CSMD3: variants seen among roughly 807,000 people sequenced by gnomAD.
CSMD3 encodes the protein CUB and Sushi multiple domains 3.
CSMD3 carries 177 observed loss-of-function variants against 435.2 expected under a neutral mutation model. The ratio of observed to expected loss-of-function variants is 0.41; its 90% CI spans 0.36 to 0.46. The LOEUF is 0.46. Among genes scored for constraint, CSMD3 ranks in the 20% least tolerant of loss-of-function variants. The probability of loss-of-function intolerance (pLI) is 0.34; values close to 1 mark genes in which losing one functional copy is unlikely to be tolerated. For synonymous variants in CSMD3, 1,656 were observed against 1,520.5 expected (o/e 1.09, Z -2.07); for missense variants, 4,265 against 4,504.6 (o/e 0.95, Z 1.52).
intron 36 of CSMD3, among the ~76,000 whole-genome samples, chr8:112,388,050 T>C (rs1186380139): frequency 1.3e-5 from 2 of 152,062 alleles, no homozygotes; most frequent in African/African-American, 4.8e-5. Flanking sequence ...CCACAGAAAA[T>C]GTATTTAAGT....
At chr8:113,198,313 T>C (rs891001510) in intron 3 of CSMD3, among the ~76,000 whole-genome samples, 1 of 151,408 alleles carries the variant, frequency 6.6e-6, no homozygotes, top group Non-Finnish European at 1.5e-5. Flanking sequence ...TCCTGTTAAA[T>C]TTAGTATGTG....
intron 16 of CSMD3, among the ~76,000 whole-genome samples, chr8:112,667,381 T>C (rs1420366234): frequency 6.6e-6 from 1 of 152,156 alleles, no homozygotes; most frequent in African/African-American, 2.4e-5. Flanking sequence ...TTTACTCCCA[T>C]ATCCAACCCA....
At chr8:112,618,972 T>A (rs1021779818) in intron 22 of CSMD3, among the ~76,000 whole-genome samples, 1 of 152,094 alleles carries the variant, frequency 6.6e-6, no homozygotes, top group Admixed American at 6.6e-5. Context: ...CACTTATAAA[T>A]TGCATGACAT....
At chr8:112,913,968 C>G (rs2082503649) in intron 10 of CSMD3, among the ~76,000 whole-genome samples, 1 of 151,798 alleles carries the variant, frequency 6.6e-6, no homozygotes, top group African/African-American at 2.4e-5. Flanking sequence ...TGCTGTTTTT[C>G]CCACTGGAGT....
intron 10 of CSMD3, among the ~76,000 whole-genome samples, chr8:112,915,008 C>T (rs2082533862): frequency 6.6e-6 from 1 of 151,844 alleles, no homozygotes; most frequent in Admixed American, 6.6e-5. Flanking sequence ...ATGCTTTTTG[C>T]TAGTAGCACA....
Position 112,699,362 on chromosome 8 carries a change from G to T in CSMD3, c.1973-9312C>A, listed in dbSNP as rs549199019. On this transcript the variant is annotated intron_variant, in intron 13 of 70. Coordinates refer to ENST00000297405, the MANE Select transcript of CSMD3 (RefSeq NM_198123.2). ...ATCTTTAAGATCTGTAACATTCACC[G>T]CTAGGGTCCACGGCTTCATGCTTGA... Among the ~76,000 whole-genome samples, 6 of 152,074 alleles carry T rather than the reference G, an allele frequency of 3.9e-5. No individual in the cohort carries two copies. In the South Asian group the frequency reaches 1.2e-3, roughly 32 times the overall value.
At chr8:112,466,760 TTAA>T (rs1384619452) in intron 32 of CSMD3, among the ~76,000 whole-genome samples, 1 of 152,198 alleles carries the variant, frequency 6.6e-6, no homozygotes, top group Admixed American at 6.5e-5. Context: ...CAAATCACAC[TTAA>T]TAACCACTAT....
At chr8:112,731,795 C>T (rs1387706398) in intron 13 of CSMD3, among the ~76,000 whole-genome samples, 1 of 151,926 alleles carries the variant, frequency 6.6e-6, no homozygotes, top group South Asian at 2.1e-4. Flanking sequence ...TCACTGAATT[C>T]AATTATCAGG....
chr8:112,641,027 T>C (rs1184959983), intron 20 of CSMD3, among the ~76,000 whole-genome samples: 2 of 152,198 alleles, frequency 1.3e-5, no homozygotes, highest in Non-Finnish European at 2.9e-5. Flanking sequence ...TTTACCTTTC[T>C]GAGCCCTACT....
At chr8:112,516,794 G>C (rs763762103) in intron 28 of CSMD3, among the ~76,000 whole-genome samples, 11 of 152,008 alleles carry the variant, frequency 7.2e-5, no homozygotes, top group Non-Finnish European at 1.6e-4. Flanking sequence ...CAAGAGCTTT[G>C]ATTCATAACT....
chr8:112,765,050 AC>A (rs1487030733), intron 13 of CSMD3, among the ~76,000 whole-genome samples: 1 of 151,674 alleles, frequency 6.6e-6, no homozygotes, highest in Non-Finnish European at 1.5e-5. Flanking sequence ...AAAAAGGTGG[AC>A]AGCGTCATAA....
At chr8:113,263,316 GAA>G (rs1437149689) in intron 3 of CSMD3, among the ~76,000 whole-genome samples, 1 of 151,860 alleles carries the variant, frequency 6.6e-6, no homozygotes, top group African/African-American at 2.4e-5. Flanking sequence ...TACATACTTG[GAA>G]ATACCATCAT....
intron 51 of CSMD3, among the ~76,000 whole-genome samples, chr8:112,305,767 T>C (rs1032031513): frequency 2.0e-5 from 3 of 152,136 alleles, no homozygotes; most frequent in South Asian, 2.1e-4. Flanking sequence ...AACATCATTG[T>C]ATAAAATAAA....
At chr8:113,267,320 T>C (rs553473257) in intron 3 of CSMD3, among the ~76,000 whole-genome samples, 1 of 151,854 alleles carries the variant, frequency 6.6e-6, no homozygotes, top group Admixed American at 6.6e-5. Flanking sequence ...ACTGCAGCAC[T>C]ATTCACAATA....
At chr8:112,922,796 A>C (rs2082786718) in intron 9 of CSMD3, among the ~76,000 whole-genome samples, 1 of 152,050 alleles carries the variant, frequency 6.6e-6, no homozygotes, top group Non-Finnish European at 1.5e-5. Context: ...CAACATCTCT[A>C]GAAGTTAATC....
chr8:112,997,871 TATATATATAC>T (rs1232067075), intron 6 of CSMD3, among the ~76,000 whole-genome samples: 1 of 149,476 alleles, frequency 6.7e-6, no homozygotes, highest in East Asian at 2.0e-4. Context: ...TGTATATATA[TATATATATAC>T]ATATATATAT....
At chr8:113,249,986 G>T (rs144906502) in intron 3 of CSMD3, among the ~76,000 whole-genome samples, 228 of 152,198 alleles carry the variant, frequency 1.5e-3, no homozygotes, top group African/African-American at 5.2e-3. Flanking sequence ...AGGGAAGTTA[G>T]TTGATAAACA....
At chr8:112,989,173 G>A (rs978258696) in intron 6 of CSMD3, among the ~76,000 whole-genome samples, 4 of 152,008 alleles carry the variant, frequency 2.6e-5, no homozygotes, top group African/African-American at 9.7e-5. Flanking sequence ...ACAGCAGGTA[G>A]TGAAACACAA....
intron 27 of CSMD3, among the ~76,000 whole-genome samples, chr8:112,521,288 C>T (rs1449826742): frequency 6.6e-6 from 1 of 151,854 alleles, no homozygotes; most frequent in African/African-American, 2.4e-5. Flanking sequence ...CAATTGTCTC[C>T]AGTTTTATCG....
Sources: allele counts gnomAD v4.1 joint callset (sites outside exome capture counted in the v4.1 genomes callset), GRCh38; gene constraint gnomAD v4.1.1; transcripts MANE v1.5; gene names NCBI Gene and HGNC (gene_info 2026-07-23, HGNC 2026-07-21).